The following ATRNL1 variants were observed in gnomAD, a reference collection of about 807,000 sequenced individuals.
ATRNL1 encodes the protein attractin-like protein 1.
In ATRNL1, 95 loss-of-function variants were observed where a neutral mutation model predicts 182.7. The ratio of observed to expected loss-of-function variants is 0.52; its 90% confidence interval spans 0.44 to 0.62. The LOEUF (loss-of-function observed/expected upper bound fraction) is 0.62, where lower values mean the gene tolerates loss of function less well. Ranked by LOEUF, ATRNL1 falls within the 20% of genes least tolerant of loss-of-function variation. The probability of loss-of-function intolerance (pLI) is 0.00; values close to 1 mark genes in which losing one functional copy is unlikely to be tolerated. For synonymous variants in ATRNL1, 576 were observed against 568.3 expected, an observed-to-expected ratio of 1.01 and a Z score of -0.19; for missense variants, 1,471 against 1,679.5, an observed-to-expected ratio of 0.88 and a Z score of 2.17.
At chr10:115,871,903 A>G (rs1951595017) in intron 28 of ATRNL1, among the ~76,000 whole-genome samples, 1 of 152,136 alleles carries the variant, frequency 6.6e-6, no homozygotes, top group African/African-American at 2.4e-5. Flanking sequence ...TTCTAATCAA[A>G]TAATTTAAAC....
intron 26 of ATRNL1, among the ~76,000 whole-genome samples, chr10:115,570,330 C>T (rs1555003110): frequency 1.3e-5 from 2 of 152,166 alleles, no homozygotes; most frequent in Non-Finnish European, 2.9e-5. Flanking sequence ...CTAAACACCT[C>T]CCCAAAGACC....
At chr10:115,120,499 A>G (rs1190386536) in intron 2 of ATRNL1, among the ~76,000 whole-genome samples, 1 of 152,052 alleles carries the variant, frequency 6.6e-6, no homozygotes, top group African/African-American at 2.4e-5. Context: ...TTATTGTGGT[A>G]TTAAATTGAG....
At chr10:115,741,310 C>G (rs1470682675) in intron 27 of ATRNL1, among the ~76,000 whole-genome samples, 1 of 151,882 alleles carries the variant, frequency 6.6e-6, no homozygotes, top group Non-Finnish European at 1.5e-5. Flanking sequence ...TTTAAAGGTA[C>G]CTAAAATGTC....
intron 28 of ATRNL1, among the ~76,000 whole-genome samples, chr10:115,872,538 A>C (rs1555106342): frequency 1.3e-5 from 2 of 152,204 alleles, no homozygotes; most frequent in African/African-American, 2.4e-5. Context: ...TTAAATAAAC[A>C]CCAGCAAGTA....
intron 24 of ATRNL1, among the ~76,000 whole-genome samples, chr10:115,509,563 G>A (rs548962012): frequency 6.6e-5 from 10 of 151,994 alleles, no homozygotes; most frequent in East Asian, 1.9e-4. Context: ...TGCCTGCTCC[G>A]CCTTCACCTT....
At chr10:115,360,904 G>C (rs1422908628) in intron 19 of ATRNL1, among the ~76,000 whole-genome samples, 1 of 151,812 alleles carries the variant, frequency 6.6e-6, no homozygotes, top group Non-Finnish European at 1.5e-5. Flanking sequence ...TCATGATTAT[G>C]TTCTGATTAT....
intron 27 of ATRNL1, among the ~76,000 whole-genome samples, chr10:115,729,554 CT>C (rs1947724773): frequency 7.1e-6 from 1 of 140,556 alleles, no homozygotes; most frequent in Non-Finnish European, 1.5e-5. Flanking sequence ...AGCCTTGCTT[CT>C]TTTTGTTTTT....
Position 115,121,801 on chromosome 10 carries a change from A to G in ATRNL1, c.480A>G (p.Ile160Met). ...GAGATTCAATATATGCACCTTTAAT[A>G]GCTGTACTTAGGTGAGTAATTATAT... ...YDGDSIYAPL[I>M]AVLSGLIVPE... The change falls in exon 3 of 29, where the codon ATA becomes ATG. Residue 160 changes from isoleucine to methionine, a missense_variant. Ile to Met is a conservative substitution (Grantham distance 10, BLOSUM62 1). Around this residue, in one of 3 missense-constraint regions of ATRNL1, gnomAD observed 1,031 missense variants for 1,156.0 expected, o/e 0.89. Coordinates refer to ENST00000355044, the MANE Select transcript of ATRNL1 (RefSeq NM_207303.4). 6.8e-7 allele frequency: 1 copy of G among 1,477,086 alleles called. No individual in the cohort carries two copies. The highest frequency in any genetic ancestry group is 9.3e-7 in the Non-Finnish European group (1 of 1,076,768). 91.5% of individuals were successfully genotyped at this position (1,477,086 alleles called of 1,614,324 possible).
chr10:115,806,826 G>T lies in ATRNL1; in HGVS notation c.3904-41051G>T, dbSNP rs550096437. ...ATGCAAATTATAATAACACTTATAGGGTTCGTATGAGGATTAAATTAGTTA... is the reference window on the plus strand; with the variant it reads ...ATGCAAATTATAATAACACTTATAGTGTTCGTATGAGGATTAAATTAGTTA... On this transcript the variant is annotated intron_variant, in intron 27 of 28. Transcript: ENST00000355044. 3.3e-5 allele frequency among the ~76,000 whole-genome samples: 5 copies of T among 152,114 alleles called. No homozygotes were observed. The South Asian group carries it at 6.2e-4, about 19-fold the overall frequency.
At chr10:115,703,619 T>C (rs1273561252) in intron 26 of ATRNL1, among the ~76,000 whole-genome samples, 1 of 151,880 alleles carries the variant, frequency 6.6e-6, no homozygotes, top group Non-Finnish European at 1.5e-5. Context: ...CATTATCTTA[T>C]GTTTTTAATT....
At chr10:115,326,326 C>A (rs1189753455) in intron 18 of ATRNL1, among the ~76,000 whole-genome samples, 2 of 152,092 alleles carry the variant, frequency 1.3e-5, no homozygotes, top group Admixed American at 1.3e-4. Context: ...AGTGAACTCC[C>A]ATTCACAATT....
At chr10:115,517,209 T>C (rs1335062461) in intron 24 of ATRNL1, among the ~76,000 whole-genome samples, 13 of 151,982 alleles carry the variant, frequency 8.6e-5, no homozygotes, top group African/African-American at 3.1e-4. Flanking sequence ...TGTCCAGAGA[T>C]TGTGTTTTTA....
intron 14 of ATRNL1, among the ~76,000 whole-genome samples, chr10:115,283,959 C>T (rs1554917802): frequency 6.6e-6 from 1 of 152,084 alleles, no homozygotes; most frequent in African/African-American, 2.4e-5. Context: ...ACTAAGCAGC[C>T]AACTGGTTAT....
intron 22 of ATRNL1, among the ~76,000 whole-genome samples, chr10:115,463,054 A>G (rs1161969771): frequency 6.6e-6 from 1 of 151,698 alleles, no homozygotes; most frequent in Non-Finnish European, 1.5e-5. Flanking sequence ...GAATTCATCC[A>G]TATTGTTAAA....
intron 28 of ATRNL1, among the ~76,000 whole-genome samples, chr10:115,943,081 G>A (rs1953776707): frequency 6.6e-6 from 1 of 152,102 alleles, no homozygotes; most frequent in Admixed American, 6.6e-5. Context: ...GGTCACATTC[G>A]GTCAATAATA....
chr10:115,300,865 C>G (rs1404043913), intron 16 of ATRNL1, among the ~76,000 whole-genome samples: 2 of 152,126 alleles, frequency 1.3e-5, no homozygotes, highest in Admixed American at 6.5e-5. Context: ...AACTAAAAAT[C>G]TGTACCCATT....
chr10:115,400,447 A>G (rs1844511494), intron 20 of ATRNL1, among the ~76,000 whole-genome samples: 1 of 152,032 alleles, frequency 6.6e-6, no homozygotes, highest in South Asian at 2.1e-4. Context: ...TTCTGCCTGT[A>G]TCTATGAGAT....
At chr10:115,819,412 C>G (rs1436768206) in intron 27 of ATRNL1, among the ~76,000 whole-genome samples, 1 of 152,002 alleles carries the variant, frequency 6.6e-6, no homozygotes, top group South Asian at 2.1e-4. Flanking sequence ...TCTGATCAGG[C>G]CTATATCTCT....
chr10:115,260,058 C>T (rs778820467), intron 10 of ATRNL1, among the ~76,000 whole-genome samples: 2 of 152,144 alleles, frequency 1.3e-5, no homozygotes, highest in African/African-American at 4.8e-5. Context: ...CCTACCGCTA[C>T]ATGTATTGAA....
Sources: allele counts gnomAD v4.1 joint callset (sites outside exome capture counted in the v4.1 genomes callset), GRCh38; gene constraint gnomAD v4.1.1; regional missense constraint gnomAD v4.1.1; transcripts MANE v1.5; gene names NCBI Gene and HGNC (gene_info 2026-07-23, HGNC 2026-07-21).